The following DSCAML1 variants were observed in gnomAD, a reference collection of about 807,000 sequenced individuals.
DSCAML1 encodes the protein DS cell adhesion molecule like 1.
In DSCAML1, 38 loss-of-function variants were observed where a neutral mutation model predicts 200.5. The observed-to-expected ratio is 0.19, with a 90% CI of 0.15 to 0.25. The LOEUF (loss-of-function observed/expected upper bound fraction) is 0.25, where lower values mean the gene tolerates loss of function less well. DSCAML1 is among the 10% of genes least tolerant of loss of function. DSCAML1 has a pLI of 1.00. For synonymous variants in DSCAML1, 1,215 were observed against 1,165.0 expected (o/e 1.04, Z -0.87); for missense variants, 2,223 against 2,858.8 (o/e 0.78, Z 5.07).
At chr11:117,765,460 G>A (rs2054880083) in intron 3 of DSCAML1, among the ~76,000 whole-genome samples, 1 of 152,130 alleles carries the variant, frequency 6.6e-6, no homozygotes, top group Non-Finnish European at 1.5e-5. Context: ...AAGGTCCCAT[G>A]AGCCTGTGAC....
At chr11:117,787,479 G>A (rs1199241947) in intron 1 of DSCAML1, among the ~76,000 whole-genome samples, 1 of 152,184 alleles carries the variant, frequency 6.6e-6, no homozygotes, top group Non-Finnish European at 1.5e-5. Flanking sequence ...GAATCACCTG[G>A]AGAGCTTGTT....
At chr11:117,583,630 C>G (rs762038524) in intron 3 of DSCAML1, among the ~76,000 whole-genome samples, 19 of 152,204 alleles carry the variant, frequency 1.2e-4, no homozygotes, top group Non-Finnish European at 2.4e-4. Context: ...CTGCCCTCCC[C>G]CCATCAGCCC....
At chr11:117,675,692 TC>T (rs1482350424) in intron 3 of DSCAML1, among the ~76,000 whole-genome samples, 2 of 151,510 alleles carry the variant, frequency 1.3e-5, no homozygotes, top group Admixed American at 6.6e-5. Flanking sequence ...TAAGTGCAGG[TC>T]CCCCCTTTCC....
intron 11 of DSCAML1, among the ~76,000 whole-genome samples, chr11:117,501,116 T>G (rs533992992): frequency 2.0e-5 from 3 of 152,230 alleles, no homozygotes; most frequent in Admixed American, 6.5e-5. Context: ...AGGTTCTACC[T>G]ACCTGTGCCC....
intron 1 of DSCAML1, among the ~76,000 whole-genome samples, chr11:117,784,078 C>A (rs1391823238): frequency 6.6e-6 from 1 of 152,192 alleles, no homozygotes; most frequent in Non-Finnish European, 1.5e-5. Context: ...TGTCCAGCCA[C>A]CTGTCAGGGC....
chr11:117,695,560 G>C (rs1176013419), intron 3 of DSCAML1, among the ~76,000 whole-genome samples: 1 of 152,098 alleles, frequency 6.6e-6, no homozygotes, highest in African/African-American at 2.4e-5. Flanking sequence ...GTAGATGCAG[G>C]GAAGAGCTCA....
At chr11:117,797,380 C>A (rs1345993478), upstream of DSCAML1, 4 of 916,188 alleles carry the variant, frequency 4.4e-6, no homozygotes, top group African/African-American at 1.8e-5. Context: ...ACAGGAGCGG[C>A]GGCCCGGGCC....
At chr11:117,561,230 C>A (rs1359981353) in intron 3 of DSCAML1, among the ~76,000 whole-genome samples, 1 of 152,218 alleles carries the variant, frequency 6.6e-6, no homozygotes, top group East Asian at 1.9e-4. Context: ...CAGATCCCTC[C>A]CTAATGGGAG....
At position 117,725,087 on chromosome 11, in the gene DSCAML1, G is replaced by A. The variant is rs1033813575; in HGVS notation, c.511+51704C>T. On this transcript the variant is annotated intron_variant, in intron 3 of 32. Coordinates refer to ENST00000651296, the MANE Select transcript of DSCAML1 (RefSeq NM_020693.4). The stretch of plus-strand genomic sequence containing the variant: ...GCTTTCTGGAAAGCACTAAAAATAG[G>A]AGGGATTTGCTTCCCCAAGCACTTC... Among the ~76,000 whole-genome samples, 3 of 152,206 alleles carry A rather than the reference G, an allele frequency of 2.0e-5. No individual in the cohort carries two copies. In the South Asian group the frequency reaches 6.2e-4, roughly 32 times the overall value.
intron 3 of DSCAML1, among the ~76,000 whole-genome samples, chr11:117,695,309 CTTTTTCT>C (rs1433630551): frequency 8.2e-6 from 1 of 122,644 alleles, no homozygotes; most frequent in African/African-American, 3.2e-5. Flanking sequence ...TTCTTTCTTT[CTTTTTCT>C]TTTTTTTTTT....
At chr11:117,657,272 GAGAA>G (rs1283559851) in intron 3 of DSCAML1, among the ~76,000 whole-genome samples, 2 of 152,132 alleles carry the variant, frequency 1.3e-5, no homozygotes, top group African/African-American at 4.8e-5. Flanking sequence ...ATGGGCTCCT[GAGAA>G]AGAAACAAAG....
At chr11:117,545,956 A>G (rs1359129885) in intron 3 of DSCAML1, among the ~76,000 whole-genome samples, 1 of 152,210 alleles carries the variant, frequency 6.6e-6, no homozygotes, top group African/African-American at 2.4e-5. Context: ...GGGGTCAGGC[A>G]GGGTGGACAC....
At chr11:117,566,559 TTTTTG>T (rs1381532577) in intron 3 of DSCAML1, among the ~76,000 whole-genome samples, 43 of 151,918 alleles carry the variant, frequency 2.8e-4, no homozygotes, top group Middle Eastern at 3.4e-3. Flanking sequence ...CTTGGTTTTT[TTTTTG>T]TTTGTTTTAT....
chr11:117,671,143 C>T (rs1302398555), intron 3 of DSCAML1, among the ~76,000 whole-genome samples: 1 of 152,226 alleles, frequency 6.6e-6, no homozygotes, highest in African/African-American at 2.4e-5. Context: ...CCTGGGCAAC[C>T]TGCGCCTGCA....
Position 117,469,973 on chromosome 11 carries a change from A to T in DSCAML1, c.2961T>A (p.Asp987Glu), listed in dbSNP as rs756698124. The change falls in exon 16 of 33, where the codon GAT becomes GAA. Residue 987 changes from aspartate to glutamate, a missense_variant. Physicochemically the swap from Asp to Glu is conservative, Grantham distance 45. Coordinates refer to ENST00000651296, the MANE Select transcript of DSCAML1 (RefSeq NM_020693.4). The surrounding 1 kb of genome is among the most constrained non-coding windows in gnomAD (Gnocchi z 4.1). ...GCAAGGTAACATCCATGGGGGGCCCATCGGGAGCTGAGCAGGGTAGCGGGG... is the reference window on the plus strand; with the variant it reads ...GCAAGGTAACATCCATGGGGGGCCCTTCGGGAGCTGAGCAGGGTAGCGGGG... ...LTISTEEAAPDGPPMDVTLQP... is the reference protein window; with the variant it reads ...LTISTEEAAPEGPPMDVTLQP... 1 of 1,604,842 alleles carries T rather than the reference A, an allele frequency of 6.2e-7. No homozygotes were observed. The highest frequency in any genetic ancestry group is 8.5e-7 in the Non-Finnish European group (1 of 1,174,034).
chr11:117,593,477 A>T (rs1416801129), intron 3 of DSCAML1, among the ~76,000 whole-genome samples: 1 of 152,194 alleles, frequency 6.6e-6, no homozygotes, highest in Non-Finnish European at 1.5e-5. Context: ...GTCACCTGGA[A>T]AGAAGAGATG....
intron 3 of DSCAML1, among the ~76,000 whole-genome samples, chr11:117,725,742 G>A (rs2054115690): frequency 6.6e-6 from 1 of 152,186 alleles, no homozygotes; most frequent in South Asian, 2.1e-4. Flanking sequence ...CCAGGGGTTG[G>A]GGGAATTGTC....
chr11:117,522,894 C>T (rs1228229968), intron 5 of DSCAML1, among the ~76,000 whole-genome samples: 4 of 152,118 alleles, frequency 2.6e-5, no homozygotes, highest in Admixed American at 2.6e-4. Context: ...ACATTGATTC[C>T]CCTTGAACCT....
At chr11:117,501,795 C>G (rs1183469267) in intron 11 of DSCAML1, among the ~76,000 whole-genome samples, 1 of 152,022 alleles carries the variant, frequency 6.6e-6, no homozygotes, top group Non-Finnish European at 1.5e-5. Context: ...TGTGGAGAGA[C>G]AGCAGCTGTG....
Sources: gnomAD v4.1 joint callset for allele counts (sites outside exome capture counted in the v4.1 genomes callset) on GRCh38, gnomAD v4.1.1 for gene constraint, Gnocchi (gnomAD v3.1) non-coding constraint, MANE v1.5 for transcripts, NCBI Gene and HGNC (gene_info 2026-07-23, HGNC 2026-07-21) for gene names.